The following DZANK1 variants were observed in gnomAD, a reference collection of about 807,000 sequenced individuals.
DZANK1 encodes the protein double zinc ribbon and ankyrin repeat domains 1.
In DZANK1, 91 loss-of-function variants were observed where a neutral mutation model predicts 94.5. That is an observed-to-expected ratio of 0.96 (90% CI 0.81 to 1.15). The LOEUF is 1.15. Among genes scored for constraint, DZANK1 ranks in the 50% most tolerant of loss-of-function variants. The probability of loss-of-function intolerance (pLI) is 0.00; values close to 1 mark genes in which losing one functional copy is unlikely to be tolerated. For missense variants in DZANK1, 903 were observed against 916.4 expected (o/e 0.99, Z 0.19); for synonymous variants, 312 against 325.3 (o/e 0.96, Z 0.44).
intron 17 of DZANK1, among the ~76,000 whole-genome samples, chr20:18,391,590 A>T (rs1044875442): frequency 1.3e-5 from 2 of 152,226 alleles, no homozygotes; most frequent in African/African-American, 2.4e-5. Flanking sequence ...TATATAAAGA[A>T]TTTCAAATGC....
intron 13 of DZANK1, among the ~76,000 whole-genome samples, chr20:18,399,844 C>CT (rs2056576239): frequency 1.3e-5 from 2 of 152,162 alleles, no homozygotes; most frequent in Non-Finnish European, 1.5e-5. Flanking sequence ...CAGCCACAGC[C>CT]CCTGCTGTGC....
At chr20:18,390,898 T>A (rs376831230) in intron 17 of DZANK1, among the ~76,000 whole-genome samples, 1 of 152,158 alleles carries the variant, frequency 6.6e-6, no homozygotes, top group Non-Finnish European at 1.5e-5. Flanking sequence ...AATTGACTTC[T>A]TCTTTAGAAA....
intron 5 of DZANK1, among the ~76,000 whole-genome samples, chr20:18,453,451 C>CA (rs2059175885): frequency 1.3e-5 from 2 of 152,276 alleles, no homozygotes; most frequent in South Asian, 4.2e-4. Context: ...ACCCTTCCCC[C>CA]AAACCCTACA....
intron 2 of DZANK1, among the ~76,000 whole-genome samples, chr20:18,461,353 T>A (rs1456999855): frequency 6.6e-6 from 1 of 152,030 alleles, no homozygotes; most frequent in East Asian, 1.9e-4. Flanking sequence ...TAAATTTTTT[T>A]AAAAAAAGAG....
chr20:18,394,390 C>A (rs1287357269), intron 15 of DZANK1, 40 bp from the exon 16 acceptor site: 1 of 1,576,872 alleles, frequency 6.3e-7, no homozygotes, highest in Non-Finnish European at 8.7e-7. Context: ...AATGATGAGG[C>A]TGCTTTGTCC....
At chr20:18,401,071 G>A (rs2056651442) in intron 13 of DZANK1, among the ~76,000 whole-genome samples, 1 of 151,868 alleles carries the variant, frequency 6.6e-6, no homozygotes, top group African/African-American at 2.4e-5. Context: ...TGAGTAGCTG[G>A]GATTACAGGC....
chr20:18,446,363 T>C (rs1387718655), intron 7 of DZANK1, among the ~76,000 whole-genome samples: 1 of 152,140 alleles, frequency 6.6e-6, no homozygotes, highest in East Asian at 1.9e-4. Context: ...CCTCCAGTAT[T>C]TGGAAATATA....
intron 6 of DZANK1, 104 bp from the exon 7 acceptor site, chr20:18,449,173 A>T: frequency 1.1e-6 from 1 of 897,220 alleles, no homozygotes; most frequent in Non-Finnish European, 1.8e-6. Context: ...ATGGGTGAAT[A>T]CACATAGACA....
rs1373650968 is a variant in DZANK1 at position 18,423,386 on chromosome 20, T to C, written c.954+3681A>G. ...TAATGTACAAGTCTTTCACTTCCTA[T>C]AGTTGGAGCTTTCCAATACCCCGTT... On this transcript the variant is annotated intron_variant, in intron 10 of 20. Transcript: ENST00000262547. Among the ~76,000 whole-genome samples the C allele has an allele frequency of 2.0e-5, 3 of 152,246 alleles. No homozygotes were observed. In the East Asian group the frequency reaches 5.8e-4, roughly 29 times the overall value.
chr20:18,396,263 C>G (rs2056334139), intron 15 of DZANK1, among the ~76,000 whole-genome samples: 1 of 152,214 alleles, frequency 6.6e-6, no homozygotes, highest in Non-Finnish European at 1.5e-5. Context: ...CTGAGAACTA[C>G]AGAACAACTC....
At chr20:18,427,512 A>C (rs2148565279) in intron 9 of DZANK1, among the ~76,000 whole-genome samples, 1 of 152,294 alleles carries the variant, frequency 6.6e-6, no homozygotes, top group East Asian at 1.9e-4. Flanking sequence ...AAAGAAACAA[A>C]ACCACAAACA....
Position 18,431,939 on chromosome 20 carries a change from G to A in DZANK1, c.861+1713C>T, listed in dbSNP as rs148522195. Among the ~76,000 whole-genome samples, 487 of 152,190 alleles carry A rather than the reference G, an allele frequency of 3.2e-3. 2 individuals carry two copies. Among genetic ancestry groups the A allele is most frequent in the Middle Eastern group, 6.8e-3 (2 of 294 alleles). ...TGTCTCACCTATGGAGTAGAAATAA[G>A]TTATCAAATTATTCCTATTATAACT... is the stretch of plus-strand genomic sequence containing the variant. On this transcript the variant is annotated intron_variant, in intron 9 of 20. Transcript: ENST00000262547.
Position 18,460,160 on chromosome 20 carries a change from C to A in DZANK1, c.256G>T (p.Val86Phe), listed in dbSNP as rs777416096. 19 of 1,536,606 alleles carry A rather than the reference C, an allele frequency of 1.2e-5. No individual in the cohort carries two copies. In the South Asian group the frequency reaches 2.1e-4, roughly 17 times the overall value. The change falls in exon 3 of 21, where the codon GTC becomes TTC. Residue 86 changes from valine to phenylalanine, a missense_variant. Coordinates refer to ENST00000262547, the Ensembl canonical transcript of DZANK1. ...ACCATGCTCTTAACTTACTTAGAGA[C>A]AGCAATAGCTTTAACTTGTATTTTT...
intron 9 of DZANK1, among the ~76,000 whole-genome samples, chr20:18,428,417 G>A (rs2058146135): frequency 6.6e-6 from 1 of 151,938 alleles, no homozygotes; most frequent in Admixed American, 6.6e-5. Flanking sequence ...TCAAACTCCT[G>A]GCCTCGTGAT....
chr20:18,438,786 C>A (rs775834841), intron 8 of DZANK1, among the ~76,000 whole-genome samples: 6 of 152,220 alleles, frequency 3.9e-5, no homozygotes, highest in Non-Finnish European at 8.8e-5. Context: ...AATTCAGTAT[C>A]AGGTGAGGGC....
exon 13 of DZANK1, chr20:18,412,708 T>A (rs1361315745): frequency 6.2e-7 from 1 of 1,613,510 alleles, no homozygotes. Flanking sequence ...CTGCCTCTGC[T>A]TTTGAGAGGC....
intron 2 of DZANK1, among the ~76,000 whole-genome samples, chr20:18,461,453 GTCT>G (rs2059469254): frequency 6.6e-6 from 1 of 152,012 alleles, no homozygotes; most frequent in African/African-American, 2.4e-5. Flanking sequence ...TCTTTAGGCT[GTCT>G]TCTTTTTTCC....
intron 8 of DZANK1, among the ~76,000 whole-genome samples, chr20:18,439,432 C>G (rs1326804196): frequency 6.6e-6 from 1 of 152,166 alleles, no homozygotes; most frequent in African/African-American, 2.4e-5. Flanking sequence ...CAGTTTTTAG[C>G]TACATGACCT....
chr20:18,408,185 T>C (rs2057052958), intron 13 of DZANK1, among the ~76,000 whole-genome samples: 1 of 152,054 alleles, frequency 6.6e-6, no homozygotes, highest in African/African-American at 2.4e-5. Context: ...GCATAGTGGC[T>C]CACGCCCGCT....
Sources: gnomAD v4.1 joint callset for allele counts (sites outside exome capture counted in the v4.1 genomes callset) on GRCh38, gnomAD v4.1.1 for gene constraint, MANE v1.5 for transcripts, NCBI Gene and HGNC (gene_info 2026-07-23, HGNC 2026-07-21) for gene names.